Variants in CNTNAP2 observed in about 807,000 individuals in gnomAD.
The protein encoded by CNTNAP2 is contactin associated protein 2.
In CNTNAP2, 98 loss-of-function variants were observed where a neutral mutation model predicts 155.2. The observed-to-expected ratio is 0.63, with a 90% CI of 0.54 to 0.75. The LOEUF (loss-of-function observed/expected upper bound fraction) is 0.75, where lower values mean the gene tolerates loss of function less well. CNTNAP2 is among the 30% of genes least tolerant of loss of function. CNTNAP2 has a pLI of 0.00. For missense variants in CNTNAP2, 1,727 were observed against 1,688.1 expected, an observed-to-expected ratio of 1.02 and a Z score of -0.40; for synonymous variants, 651 against 631.2, an observed-to-expected ratio of 1.03 and a Z score of -0.47.
intron 12 of CNTNAP2, among the ~76,000 whole-genome samples, chr7:147,608,910 G>A (rs1211591576): frequency 6.6e-6 from 1 of 152,082 alleles, no homozygotes; most frequent in Non-Finnish European, 1.5e-5. Flanking sequence ...CAGGGGCGGG[G>A]GTCAAAAGGT....
chr7:148,329,261 A>G (rs1415714158), intron 21 of CNTNAP2, among the ~76,000 whole-genome samples: 1 of 152,158 alleles, frequency 6.6e-6, no homozygotes, highest in Non-Finnish European at 1.5e-5. Context: ...CCATTTTTAT[A>G]TGGTCTAGAT....
At chr7:148,001,898 A>C (rs997992601) in intron 15 of CNTNAP2, among the ~76,000 whole-genome samples, 2 of 152,208 alleles carry the variant, frequency 1.3e-5, no homozygotes, top group African/African-American at 4.8e-5. Context: ...TTCAGAAATA[A>C]GCTTAATTAT....
chr7:146,806,175 A>C (rs1802963493), intron 2 of CNTNAP2, among the ~76,000 whole-genome samples: 1 of 152,132 alleles, frequency 6.6e-6, no homozygotes, highest in African/African-American at 2.4e-5. Context: ...TAGGGTAGGT[A>C]AATGTTTCAG....
At chr7:147,561,775 A>T (rs1453950144) in intron 11 of CNTNAP2, among the ~76,000 whole-genome samples, 2 of 152,158 alleles carry the variant, frequency 1.3e-5, no homozygotes, top group Admixed American at 6.5e-5. Flanking sequence ...ATAACCAACA[A>T]AGCAGCCAAT....
chr7:146,802,067 G>A (rs1052342163), intron 2 of CNTNAP2, among the ~76,000 whole-genome samples: 2 of 152,026 alleles, frequency 1.3e-5, no homozygotes, highest in Non-Finnish European at 2.9e-5. Context: ...TTCTGTTGCT[G>A]GATAAAAAAT....
At chr7:147,312,781 A>G (rs1303382924) in intron 9 of CNTNAP2, among the ~76,000 whole-genome samples, 1 of 119,560 alleles carries the variant, frequency 8.4e-6, no homozygotes. Context: ...CTACCCAGTA[A>G]TAGGATGGCT....
Position 148,068,776 on chromosome 7 carries a change from T to C in CNTNAP2, c.2384-49342T>C, listed in dbSNP as rs986418689. The stretch of plus-strand genomic sequence containing the variant: ...TGGTGGGAACATGAATTATTCTTAA[T>C]CTGTGTGAGTAGGTTGTTCCCTCAG... On this transcript the variant is annotated intron_variant, in intron 15 of 23. Coordinates refer to ENST00000361727, the MANE Select transcript of CNTNAP2 (RefSeq NM_014141.6). Among the ~76,000 whole-genome samples, 5 of 152,230 alleles carry C rather than the reference T, an allele frequency of 3.3e-5. No individual in the cohort carries two copies. The East Asian group carries it at 9.6e-4, about 29-fold the overall frequency.
intron 14 of CNTNAP2, among the ~76,000 whole-genome samples, chr7:147,939,040 TC>T (rs1800667106): frequency 6.6e-6 from 1 of 152,174 alleles, no homozygotes; most frequent in Non-Finnish European, 1.5e-5. Context: ...TGTGCCCATT[TC>T]CCTAGCTCAA....
At position 147,017,849 on chromosome 7, in the gene CNTNAP2, G is replaced by A. The variant is rs183217244; in HGVS notation, c.403-26058G>A. ...AAAGATATGAGAGAATATGATCAAT[G>A]AATGAAAGATTGTTGAGATAAGGTT... On this transcript the variant is annotated intron_variant, in intron 3 of 23. Transcript: ENST00000361727. Among the ~76,000 whole-genome samples, 498 of 152,112 alleles carry A rather than the reference G, an allele frequency of 3.3e-3. 1 individual carries two copies. The highest frequency in any genetic ancestry group is 0.011 in the African/African-American group (471 of 41,530).
chr7:147,928,812 C>T (rs1279706847), intron 14 of CNTNAP2, among the ~76,000 whole-genome samples: 2 of 151,852 alleles, frequency 1.3e-5, no homozygotes, highest in African/African-American at 2.4e-5. Flanking sequence ...TTAAATCGGC[C>T]GGGTGCGGTG....
intron 11 of CNTNAP2, among the ~76,000 whole-genome samples, chr7:147,552,607 C>CACACACACACAG (rs199934935): frequency 6.9e-6 from 1 of 144,728 alleles, no homozygotes; most frequent in African/African-American, 2.5e-5. Context: ...CACACACACA[C>CACACACACACAG]AGAGATATAA....
At chr7:148,232,323 C>A (rs956468112) in intron 20 of CNTNAP2, among the ~76,000 whole-genome samples, 4 of 152,210 alleles carry the variant, frequency 2.6e-5, no homozygotes, top group African/African-American at 7.2e-5. Context: ...AAGTGCTTTG[C>A]AACACCAAAT....
chr7:146,620,135 A>G (rs2129156146), intron 1 of CNTNAP2, among the ~76,000 whole-genome samples: 1 of 152,308 alleles, frequency 6.6e-6, no homozygotes, highest in African/African-American at 2.4e-5. Context: ...CATTGTTGTA[A>G]CTGAAAATGA....
chr7:146,791,719 A>G (rs529031950), intron 2 of CNTNAP2, among the ~76,000 whole-genome samples: 2 of 152,328 alleles, frequency 1.3e-5, no homozygotes, highest in South Asian at 4.1e-4. Context: ...CAATTTATCA[A>G]TGAAATGGCA....
At chr7:146,928,114 T>G (rs1184589618) in intron 3 of CNTNAP2, among the ~76,000 whole-genome samples, 1 of 151,974 alleles carries the variant, frequency 6.6e-6, no homozygotes, top group Non-Finnish European at 1.5e-5. Context: ...TTGCCCTGAT[T>G]ATGAGAGGCT....
rs570265620 is a variant in CNTNAP2 at position 148,382,283 on chromosome 7, C to T, written c.3476-1366C>T. ...TCTCCCTGTTCCACCATCGGAACCC[C>T]GTGCCCCAGGCTCTCTCCCTTGAGG... is the stretch of plus-strand genomic sequence containing the variant. On this transcript the variant is annotated intron_variant, in intron 21 of 23. Transcript: ENST00000361727. Among the ~76,000 whole-genome samples the T allele has an allele frequency of 6.6e-5, 10 of 152,302 alleles. No homozygotes were observed. The South Asian group carries it at 2.1e-3, about 32-fold the overall frequency.
At chr7:148,031,110 C>G (rs571576874) in intron 15 of CNTNAP2, among the ~76,000 whole-genome samples, 93 of 152,246 alleles carry the variant, frequency 6.1e-4, no homozygotes, top group Non-Finnish European at 1.1e-3. Context: ...ATTAGGCCAT[C>G]TGCATTTCCT....
At position 147,544,596 on chromosome 7, in the gene CNTNAP2, A is replaced by T. The variant is rs116021254; in HGVS notation, c.1778-17542A>T. On this transcript the variant is annotated intron_variant, in intron 11 of 23. Coordinates refer to ENST00000361727, the MANE Select transcript of CNTNAP2 (RefSeq NM_014141.6). ...ACAGCATGACTTTCATGGGCCCTAG[A>T]AACTTGTGCCTGTGTTGTCTTCTTT... is the stretch of plus-strand genomic sequence containing the variant. 5.4e-3 allele frequency among the ~76,000 whole-genome samples: 816 copies of T among 152,172 alleles called. 7 individuals carry two copies. The highest frequency in any genetic ancestry group is 0.019 in the African/African-American group (773 of 41,524).
At chr7:148,099,709 T>C (rs1357211861) in intron 15 of CNTNAP2, among the ~76,000 whole-genome samples, 5 of 151,898 alleles carry the variant, frequency 3.3e-5, no homozygotes, top group Non-Finnish European at 7.4e-5. Context: ...TCCGTTTGTA[T>C]CTCATGAGGA....
Sources: allele counts gnomAD v4.1 joint callset (sites outside exome capture counted in the v4.1 genomes callset), GRCh38; gene constraint gnomAD v4.1.1; transcripts MANE v1.5; gene names NCBI Gene and HGNC (gene_info 2026-07-23, HGNC 2026-07-21).